KIF6: variants seen among roughly 807,000 people sequenced by gnomAD.
KIF6 encodes the protein kinesin family member 6.
Under a neutral mutation model 112.7 loss-of-function variants are expected in KIF6, and 106 were observed. The observed-to-expected ratio is 0.94, with a 90% confidence interval of 0.80 to 1.11. The LOEUF is 1.11. Ranked by LOEUF, KIF6 falls within the 50% of genes least tolerant of loss-of-function variation. KIF6 has a pLI of 0.00. For missense variants in KIF6, 929 were observed against 964.0 expected, an observed-to-expected ratio of 0.96 and a Z score of 0.48; for synonymous variants, 339 against 339.9, an observed-to-expected ratio of 1.00 and a Z score of 0.03.
intron 5 of KIF6, among the ~76,000 whole-genome samples, chr6:39,627,076 T>TCCTCA (rs1784131191): frequency 6.6e-6 from 1 of 152,120 alleles, no homozygotes; most frequent in Non-Finnish European, 1.5e-5. Context: ...GCCTGCCAAA[T>TCCTCA]CCTCACATTT....
chr6:39,367,794 C>T (rs903319418), intron 16 of KIF6, among the ~76,000 whole-genome samples: 5 of 152,184 alleles, frequency 3.3e-5, no homozygotes, highest in East Asian at 1.9e-4. Flanking sequence ...CTCTCTCCCA[C>T]GCAGTTATCT....
At chr6:39,704,346 C>T (rs916140931) in intron 3 of KIF6, among the ~76,000 whole-genome samples, 3 of 152,178 alleles carry the variant, frequency 2.0e-5, no homozygotes, top group Admixed American at 6.5e-5. Context: ...AGGCCAGGCG[C>T]GTTGGCTCAT....
At chr6:39,575,308 TTG>T (rs1298587487) in intron 10 of KIF6, among the ~76,000 whole-genome samples, 12 of 151,544 alleles carry the variant, frequency 7.9e-5, no homozygotes, top group African/African-American at 1.2e-4. Context: ...TCTCACTCTG[TTG>T]CCCAGGCCGG....
rs151298699 is a variant in KIF6, at chr6:39,540,612, C to T, written c.1427-391G>A. The stretch of plus-strand genomic sequence containing the variant: ...CATGTATATGTATCAGCCCCCTGGG[C>T]GAGCACGCGCCTGCTCGGGAGGCAG... On this transcript the variant is annotated intron_variant, in intron 12 of 22. Transcript: ENST00000287152. Among the ~76,000 whole-genome samples, 661 of 152,342 alleles carry T rather than the reference C, an allele frequency of 4.3e-3. 5 individuals are homozygous for T. Among genetic ancestry groups the T allele is most frequent in the African/African-American group, 0.015 (635 of 41,586 alleles).
chr6:39,382,374 G>A (rs568985616), intron 16 of KIF6, among the ~76,000 whole-genome samples: 2 of 152,216 alleles, frequency 1.3e-5, no homozygotes, highest in South Asian at 2.1e-4. Context: ...TTATGTCTGT[G>A]TGAACTCAAG....
At chr6:39,446,725 G>A (rs1772351045) in intron 13 of KIF6, among the ~76,000 whole-genome samples, 1 of 152,126 alleles carries the variant, frequency 6.6e-6, no homozygotes, top group African/African-American at 2.4e-5. Context: ...CCTGACTTCA[G>A]ATGATCCACC....
At chr6:39,619,874 T>C (rs1219241026) in intron 5 of KIF6, among the ~76,000 whole-genome samples, 1 of 152,170 alleles carries the variant, frequency 6.6e-6, no homozygotes, top group African/African-American at 2.4e-5. Context: ...AATACCCAAA[T>C]ATAATAAAGT....
chr6:39,546,653 C>A (rs1011935292), intron 10 of KIF6, among the ~76,000 whole-genome samples: 1 of 151,926 alleles, frequency 6.6e-6, no homozygotes, highest in African/African-American at 2.4e-5. Context: ...GAGTGAAACC[C>A]CTTCTCTTCT....
At chr6:39,639,095 C>G (rs1784775049) in intron 4 of KIF6, among the ~76,000 whole-genome samples, 1 of 152,038 alleles carries the variant, frequency 6.6e-6, no homozygotes, top group Non-Finnish European at 1.5e-5. Flanking sequence ...GATAAAGCTA[C>G]TGGCATTTTG....
At position 39,336,452 on chromosome 6, in the gene KIF6, C is replaced by A; in HGVS notation, c.*80G>T. 1 of 1,374,216 alleles carries A rather than the reference C, an allele frequency of 7.3e-7. No homozygotes were observed. The highest frequency in any genetic ancestry group is 1.0e-6 in the Non-Finnish European group (1 of 961,910). 85.1% of individuals were successfully genotyped at this position (1,374,216 alleles called of 1,614,324 possible). On this transcript the variant is annotated 3_prime_UTR_variant, in exon 23 of 23. Coordinates refer to ENST00000287152, the MANE Select transcript of KIF6 (RefSeq NM_145027.6). ...AGCAGCCCATAGTTCACTTCTGAAG[C>A]CAGAGCAAGTGAGGGGCGCTGCCTT...
intron 13 of KIF6, among the ~76,000 whole-genome samples, chr6:39,436,542 T>TA (rs1454848234): frequency 1.3e-5 from 2 of 152,180 alleles, no homozygotes; most frequent in African/African-American, 4.8e-5. Flanking sequence ...TTAATCTTTG[T>TA]ATATGGTGAG....
At chr6:39,467,562 C>G (rs1773865740) in intron 13 of KIF6, among the ~76,000 whole-genome samples, 1 of 151,972 alleles carries the variant, frequency 6.6e-6, no homozygotes, top group African/African-American at 2.4e-5. Flanking sequence ...TGCACATGCC[C>G]AAGGCTATGC....
chr6:39,358,582 C>T (rs948223578), intron 18 of KIF6, among the ~76,000 whole-genome samples: 6 of 152,196 alleles, frequency 3.9e-5, no homozygotes, highest in South Asian at 4.1e-4. Flanking sequence ...TGACCCTTGT[C>T]GACCGGTCAG....
In KIF6 at chr6:39,584,417, TAAAAAAAAAAAAAAAAAAAAAAAAA is replaced by T. The variant is rs61215070; in HGVS notation, c.1077+456_1077+480del. Reference sequence around the variant, plus strand: ...TCCAGCCTGAGCAAGACTCTGTCTCTAAAAAAAAAAAAAAAAAAAAAAAAAAAAAAAAAAAAAAAAAAAGACTATT... The same window carrying T: ...TCCAGCCTGAGCAAGACTCTGTCTCTAAAAAAAAAAAAAAAAAAGACTATT... On this transcript the variant is annotated intron_variant, in intron 9 of 22. Coordinates refer to ENST00000287152, the MANE Select transcript of KIF6 (RefSeq NM_145027.6). Among the ~76,000 whole-genome samples the T allele has an allele frequency of 1.0e-3, 47 of 46,060 alleles. 2 individuals are homozygous for T. Among genetic ancestry groups the T allele is most frequent in the African/African-American group, 1.4e-3 (29 of 21,040 alleles). The allele number at this position is 46,060 out of a possible 152,430, so 30.2% of individuals were successfully genotyped here.
intron 20 of KIF6, among the ~76,000 whole-genome samples, chr6:39,346,132 C>CCCCCCTCT (rs1554196915): frequency 3.7e-5 from 1 of 26,916 alleles, no homozygotes; most frequent in African/African-American, 1.5e-4. Flanking sequence ...CCTCCCTCTC[C>CCCCCCTCT]CTCTCTCTCT....
Position 39,486,625 on chromosome 6 carries a change from A to G in KIF6, c.1645+53378T>C, listed in dbSNP as rs1775129895. Among the ~76,000 whole-genome samples the G allele has an allele frequency of 3.3e-5, 5 of 152,374 alleles. No homozygotes were observed. In the South Asian group the frequency reaches 1.0e-3, roughly 32 times the overall value. ...ATCAAATTTTTCGACTGAGATGCAC[A>G]GAAAGAAATACATTTGCCGCAAACT... is the stretch of plus-strand genomic sequence containing the variant. On this transcript the variant is annotated intron_variant, in intron 13 of 22. Coordinates refer to ENST00000287152, the MANE Select transcript of KIF6 (RefSeq NM_145027.6).
chr6:39,378,089 C>A lies in KIF6; in HGVS notation c.1861+7533G>T, dbSNP rs770511212. Among the ~76,000 whole-genome samples, 13 of 152,050 alleles carry A rather than the reference C, an allele frequency of 8.5e-5. No homozygotes were observed. The highest frequency in any genetic ancestry group is 2.9e-5 in the Non-Finnish European group (2 of 68,010). ...ACAGTATATGAAACATGCTCGCTGT[C>A]GAGGAAATGGGATGTTCCAGTAAGC... On this transcript the variant is annotated intron_variant, in intron 16 of 22. Transcript: ENST00000287152. This position sits in a 1 kb window ranked among gnomAD's most constrained non-coding sequence, Gnocchi z 5.0.
rs532845121 is a variant in KIF6 at position 39,671,612 on chromosome 6, G to A, written c.252-31855C>T. The stretch of plus-strand genomic sequence containing the variant: ...CACTCCCCACTATTGTGCTTCTCAC[G>A]CCATCCCAGACATCTCAAGCTGACT... On this transcript the variant is annotated intron_variant, in intron 3 of 22. Coordinates refer to ENST00000287152, the MANE Select transcript of KIF6 (RefSeq NM_145027.6). 7.9e-5 allele frequency among the ~76,000 whole-genome samples: 12 copies of A among 152,232 alleles called. No homozygotes were observed. The South Asian group carries it at 1.7e-3, about 21-fold the overall frequency.
chr6:39,636,147 A>C (rs1325029153), intron 4 of KIF6, among the ~76,000 whole-genome samples: 1 of 152,070 alleles, frequency 6.6e-6, no homozygotes, highest in Non-Finnish European at 1.5e-5. Context: ...TTTCAAACTC[A>C]TTAAAGTGAG....
Sources: allele counts gnomAD v4.1 joint callset (sites outside exome capture counted in the v4.1 genomes callset), GRCh38; gene constraint gnomAD v4.1.1; non-coding constraint Gnocchi (gnomAD v3.1); transcripts MANE v1.5; gene names NCBI Gene and HGNC (gene_info 2026-07-23, HGNC 2026-07-21).